TACC2: variants seen among roughly 807,000 people sequenced by gnomAD.
TACC2 encodes the protein transforming acidic coiled-coil containing protein 2.
Under a neutral mutation model 227.3 loss-of-function variants are expected in TACC2, and 137 were observed. That is an observed-to-expected ratio of 0.60 (90% CI 0.52 to 0.69). The LOEUF (loss-of-function observed/expected upper bound fraction) is 0.69, where lower values mean the gene tolerates loss of function less well. TACC2 is among the 30% of genes least tolerant of loss of function. The pLI, the probability that TACC2 is intolerant of heterozygous loss-of-function variation, is 0.00. For synonymous variants in TACC2, 1,523 were observed against 1,487.5 expected (o/e 1.02, Z -0.55); for missense variants, 3,470 against 3,694.4 (o/e 0.94, Z 1.57).
At chr10:122,003,880 TCTC>T (rs1954730161) in intron 1 of TACC2, among the ~76,000 whole-genome samples, 1 of 151,936 alleles carries the variant, frequency 6.6e-6, no homozygotes, top group Middle Eastern at 3.2e-3. Flanking sequence ...ATGGTCTCGA[TCTC>T]CTGATGTCAT....
At position 122,087,608 on chromosome 10, in the gene TACC2, G is replaced by A. The variant is rs768285955; in HGVS notation, c.5108G>A (p.Gly1703Glu). 1 of 1,613,550 alleles carries A rather than the reference G, an allele frequency of 6.2e-7. No homozygotes were observed. The highest frequency in any genetic ancestry group is 8.5e-7 in the Non-Finnish European group (1 of 1,180,010). Reference protein sequence around the residue: ...LEPGKVAGAAGEAEGDITLST... With the variant: ...LEPGKVAGAAEEAEGDITLST... ...CCTGGCAAGGTGGCAGGCGCTGCTG[G>A]GGAAGCAGAGGGTGACATCACCCTG... is the stretch of plus-strand genomic sequence containing the variant. The change falls in exon 4 of 23, where the codon GGG becomes GAG. Residue 1703 changes from glycine to glutamate, a missense_variant. Gly to Glu is a moderately conservative substitution (Grantham distance 98). Coordinates refer to ENST00000369005, the MANE Select transcript of TACC2 (RefSeq NM_206862.4).
At chr10:122,198,417 G>A (rs2094651566) in intron 8 of TACC2, among the ~76,000 whole-genome samples, 1 of 152,212 alleles carries the variant, frequency 6.6e-6, no homozygotes, top group South Asian at 2.1e-4. Context: ...GTTGGCTGAT[G>A]TACAGTGACC....
intron 7 of TACC2, among the ~76,000 whole-genome samples, chr10:122,175,718 G>C (rs1425712297): frequency 2.0e-5 from 3 of 152,122 alleles, no homozygotes; most frequent in East Asian, 3.9e-4. Flanking sequence ...TACAACTCAG[G>C]GACCAGGGAA....
intron 5 of TACC2, among the ~76,000 whole-genome samples, chr10:122,119,394 C>G (rs1295962149): frequency 1.3e-5 from 2 of 152,180 alleles, no homozygotes; most frequent in African/African-American, 4.8e-5. Flanking sequence ...CCCACCTAAG[C>G]CCCTGGACCC....
chr10:122,023,870 T>C (rs1957656196), intron 2 of TACC2: 1 of 150,512 alleles, frequency 6.6e-6, no homozygotes, highest in Admixed American at 6.6e-5. Context: ...AGGCAAGTGC[T>C]CTGGCAAACA....
chr10:122,229,559 T>C, intron 15 of TACC2, 73 bp downstream of exon 15: 1 of 1,557,690 alleles, frequency 6.4e-7, no homozygotes. Flanking sequence ...GAGGCCCAAA[T>C]GAAATAAGGC....
chr10:122,083,188 G>A lies in TACC2; in HGVS notation c.688G>A (p.Ala230Thr). The change falls in exon 4 of 23, where the codon GCT becomes ACT. Residue 230 changes from alanine to threonine, a missense_variant. Coordinates refer to ENST00000369005, the MANE Select transcript of TACC2 (RefSeq NM_206862.4). ...TGGTTTTGAGTCCCAAGAGAAAGAG[G>A]CTGCAGGTGGCTTTCCCCCTGCAGA... ...PGGFESQEKE[A>T]AGGFPPAESR... 4 of 1,613,350 alleles carry A rather than the reference G, an allele frequency of 2.5e-6. No homozygotes were observed. Among genetic ancestry groups the A allele is most frequent in the Non-Finnish European group, 3.4e-6 (4 of 1,180,018 alleles).
intron 16 of TACC2, among the ~76,000 whole-genome samples, chr10:122,236,426 G>A (rs760391759): frequency 2.0e-5 from 3 of 152,192 alleles, no homozygotes; most frequent in Non-Finnish European, 4.4e-5. Context: ...GCGCCACGAG[G>A]TTAATGCATA....
intron 16 of TACC2, 129 bp from the exon 17 acceptor site, chr10:122,237,266 T>TTG: frequency 1.1e-6 from 1 of 917,594 alleles, no homozygotes; most frequent in Admixed American, 2.9e-5. Context: ...TCTTTGCACT[T>TTG]TCTCATACTT....
chr10:122,070,481 G>A (rs985115656), intron 3 of TACC2, among the ~76,000 whole-genome samples: 3 of 152,094 alleles, frequency 2.0e-5, no homozygotes, highest in Non-Finnish European at 2.9e-5. Flanking sequence ...TGGGTCAGGC[G>A]CGGTGGCTGA....
At chr10:122,223,134 A>G (rs2095556127) in intron 11 of TACC2, among the ~76,000 whole-genome samples, 1 of 148,172 alleles carries the variant, frequency 6.7e-6, no homozygotes, top group Admixed American at 6.9e-5. Context: ...GCTCACTGCA[A>G]CCTGTGCCTC....
In TACC2 at chr10:122,210,600, G is replaced by A. The variant is rs529296575; in HGVS notation, c.6175G>A (p.Ala2059Thr). 2.2e-5 allele frequency: 36 copies of A among 1,614,050 alleles called. No individual in the cohort carries two copies. Among genetic ancestry groups the A allele is most frequent in the African/African-American group, 5.3e-5 (4 of 74,992 alleles). The change falls in exon 9 of 23, where the codon GCT becomes ACT. Residue 2059 changes from alanine (A) to threonine (T), a missense_variant. Ala to Thr is a moderately conservative substitution (Grantham distance 58). Around this residue, in one of 10 missense-constraint regions of TACC2, gnomAD observed 593 missense variants for 636.6 expected, o/e 0.93. Coordinates refer to ENST00000369005, the MANE Select transcript of TACC2 (RefSeq NM_206862.4). This position sits in a 1 kb window ranked among gnomAD's most constrained non-coding sequence, Gnocchi z 4.6. ...GACCTTGGAGCCTCGTGCCTCAGAC[G>A]CTAAGAATCAGGAGGGCAAAGTGAA... is the stretch of plus-strand genomic sequence containing the variant. ...FQTLEPRASD[A>T]KNQEGKVNTR...
intron 3 of TACC2, among the ~76,000 whole-genome samples, chr10:122,066,526 C>G (rs188910980): frequency 1.2e-4 from 19 of 152,148 alleles, no homozygotes; most frequent in Non-Finnish European, 2.2e-4. Context: ...CTTGGCCTCC[C>G]GAAGTGCTGG....
At chr10:122,192,896 C>G (rs1051836046) in intron 7 of TACC2, 2 of 403,186 alleles carry the variant, frequency 5.0e-6, no homozygotes, top group African/African-American at 4.1e-5. Context: ...CCCGGGGCAG[C>G]ACCCAGGGCT....
In TACC2 at chr10:122,085,082, G is replaced by A; in HGVS notation, c.2582G>A (p.Ser861Asn). 1 of 1,614,178 alleles carries A rather than the reference G, an allele frequency of 6.2e-7. No homozygotes were observed. Among genetic ancestry groups the A allele is most frequent in the Non-Finnish European group, 8.5e-7 (1 of 1,180,050 alleles). The change falls in exon 4 of 23, where the codon AGC becomes AAC. Residue 861 changes from serine to asparagine, a missense_variant. Coordinates refer to ENST00000369005, the MANE Select transcript of TACC2 (RefSeq NM_206862.4). ...PPENGKETSP[S>N]HPGFKDQGAD... ...GAAAATGGGAAAGAGACTTCTCCAA[G>A]CCATCCAGGTTTTAAGGACCAGGGA...
chr10:122,006,364 G>A (rs1955138673), intron 1 of TACC2, among the ~76,000 whole-genome samples: 1 of 152,218 alleles, frequency 6.6e-6, no homozygotes, highest in African/African-American at 2.4e-5. Flanking sequence ...CAGGAGAATG[G>A]TGTGAACCTG....
At chr10:122,049,571 G>T (rs1591461535) in intron 2 of TACC2, among the ~76,000 whole-genome samples, 1 of 152,134 alleles carries the variant, frequency 6.6e-6, no homozygotes, top group African/African-American at 2.4e-5. Flanking sequence ...AGAACAAGGG[G>T]TGCATGTTGT....
intron 6 of TACC2, among the ~76,000 whole-genome samples, chr10:122,142,170 A>G (rs73372151): frequency 0.026 from 3,889 of 152,218 alleles, 162 homozygotes; most frequent in African/African-American, 0.088. Flanking sequence ...GGGCTTTCCT[A>G]GGTCGTTATT....
At chr10:122,240,812 G>A (rs1482623907) in intron 18 of TACC2, among the ~76,000 whole-genome samples, 1 of 152,218 alleles carries the variant, frequency 6.6e-6, no homozygotes, top group Non-Finnish European at 1.5e-5. Flanking sequence ...TGGCTTTGGA[G>A]AAAGGACGTC....
Sources: allele counts gnomAD v4.1 joint callset (sites outside exome capture counted in the v4.1 genomes callset), GRCh38; gene constraint gnomAD v4.1.1; regional missense constraint gnomAD v4.1.1; non-coding constraint Gnocchi (gnomAD v3.1); transcripts MANE v1.5; gene names NCBI Gene and HGNC (gene_info 2026-07-23, HGNC 2026-07-21).